Variants in ASCC2 observed in about 807,000 individuals in gnomAD.
The protein encoded by ASCC2 is ASC-1 complex subunit P100.
Under a neutral mutation model 93.5 loss-of-function variants are expected in ASCC2, and 42 were observed. The observed-to-expected ratio is 0.45, with a 90% confidence interval of 0.35 to 0.58. The LOEUF is 0.58. Among genes scored for constraint, ASCC2 ranks in the 20% least tolerant of loss-of-function variants. ASCC2 has a pLI of 0.00. For synonymous variants in ASCC2, 364 were observed against 384.2 expected (o/e 0.95, Z 0.62); for missense variants, 859 against 977.6 (o/e 0.88, Z 1.62).
chr22:29,807,019 A>T, intron 9 of ASCC2, 115 bp from the exon 10 acceptor site: 1 of 735,550 alleles, frequency 1.4e-6, no homozygotes, highest in Non-Finnish European at 2.2e-6. Context: ...TGGGAGGATC[A>T]CTTGAGCCCC....
intron 5 of ASCC2, chr22:29,822,104 C>T (rs2061638424): frequency 1.9e-6 from 1 of 527,734 alleles, no homozygotes; most frequent in Non-Finnish European, 3.3e-6. Flanking sequence ...AAAAAATTTC[C>T]AGATCCCTGG....
Position 29,804,662 on chromosome 22 carries a change from A to G in ASCC2, c.1329T>C (p.His443=). ...TAEAVSQASS[H]PENSEEEECM... ...CCTCCTCTTCCTCCGAGTTCTCCGG[A>G]TGTGATGATGCTTGACTGACTGCCT... The change falls in exon 13 of 20, where the codon CAT becomes CAC. Residue 443 remains histidine, a synonymous_variant. Transcript: ENST00000307790. 1.2e-6 allele frequency: 2 copies of G among 1,613,988 alleles called. No individual in the cohort carries two copies. The highest frequency in any genetic ancestry group is 1.7e-6 in the Non-Finnish European group (2 of 1,179,982).
chr22:29,832,404 C>A, intron 1 of ASCC2, 62 bp from the exon 2 acceptor site: 1 of 1,308,062 alleles, frequency 7.6e-7, no homozygotes, highest in Non-Finnish European at 1.1e-6. Context: ...GCAGGGCCTG[C>A]TCTGGGGCTG....
At chr22:29,792,766 G>A (rs980147688) in intron 17 of ASCC2, among the ~76,000 whole-genome samples, 5 of 152,206 alleles carry the variant, frequency 3.3e-5, no homozygotes, top group African/African-American at 1.2e-4. Flanking sequence ...AGAGTCTCCA[G>A]TCCTCTCTTC....
chr22:29,793,820 C>A, intron 15 of ASCC2, 144 bp from the exon 16 acceptor site: 1 of 576,494 alleles, frequency 1.7e-6, no homozygotes. Context: ...TTGGTGAGGG[C>A]GTGGGAGGGT....
chr22:29,818,743 T>C (rs1569411339), intron 5 of ASCC2, among the ~76,000 whole-genome samples: 1 of 151,930 alleles, frequency 6.6e-6, no homozygotes. Flanking sequence ...CACCACGCAG[T>C]CCCCTCTGGA....
At position 29,790,546 on chromosome 22, in the gene ASCC2, G is replaced by A. The variant is rs770209491; in HGVS notation, c.2025C>T (p.Pro675=). 35 of 1,613,920 alleles carry A rather than the reference G, an allele frequency of 2.2e-5. No homozygotes were observed. The highest frequency in any genetic ancestry group is 3.3e-5 in the South Asian group (3 of 91,090). ...EDDADEEAPK[P]DHFVQDPAVL... ...CTGCAGGGTCCTGAACAAAATGGTCGGGCTGTGGAAAGGAGAGGAGACCAA... is the reference window on the plus strand; with the variant it reads ...CTGCAGGGTCCTGAACAAAATGGTCAGGCTGTGGAAAGGAGAGGAGACCAA... Residue 675 remains proline, a splice_region_variant and synonymous_variant, in exon 19 of 20, where the codon CCC becomes CCT. Transcript: ENST00000307790.
At chr22:29,794,352 C>T (rs2058153988) in intron 15 of ASCC2, among the ~76,000 whole-genome samples, 1 of 151,940 alleles carries the variant, frequency 6.6e-6, no homozygotes, top group Non-Finnish European at 1.5e-5. Context: ...ATTAGCCGGG[C>T]ATAGTGGCGG....
Position 29,804,812 on chromosome 22 carries a change from G to C in ASCC2, c.1179C>G (p.Ala393=), listed in dbSNP as rs117333854. 9,972 of 1,614,110 alleles carry C rather than the reference G, an allele frequency of 6.2e-3. 90 individuals carry two copies. The highest frequency in any genetic ancestry group is 0.029 in the South Asian group (2,644 of 91,082). The change falls in exon 13 of 20, where the codon GCC becomes GCG. Residue 393 remains alanine, a synonymous_variant. Coordinates refer to ENST00000307790, the MANE Select transcript of ASCC2 (RefSeq NM_032204.5). ...ASSVLDETRT[A]YILQAVESAW... ...CACTCTCGACTGCCTGGAGGATGTAGGCAGTCCGCGTCTCGTCCCTGTGAG... is the reference window on the plus strand; with the variant it reads ...CACTCTCGACTGCCTGGAGGATGTACGCAGTCCGCGTCTCGTCCCTGTGAG...
chr22:29,807,287 A>G (rs1204093197), intron 9 of ASCC2, among the ~76,000 whole-genome samples: 2 of 151,806 alleles, frequency 1.3e-5, no homozygotes, highest in African/African-American at 4.8e-5. Flanking sequence ...AAAGAAAAAA[A>G]GGCACAAAGG....
chr22:29,822,252 G>A (rs1349400589), intron 5 of ASCC2, 83 bp downstream of exon 5: 4 of 1,577,750 alleles, frequency 2.5e-6, no homozygotes, highest in African/African-American at 2.7e-5. Flanking sequence ...CCTGGGCACT[G>A]TCAAAGCGCT....
chr22:29,821,156 C>A (rs1482209244), intron 5 of ASCC2, among the ~76,000 whole-genome samples: 1 of 151,956 alleles, frequency 6.6e-6, no homozygotes, highest in Admixed American at 6.6e-5. Flanking sequence ...CTCTTTTTTT[C>A]TTATTTTTTT....
chr22:29,827,595 A>G (rs112670477), intron 2 of ASCC2: 14,425 of 470,824 alleles, frequency 0.031, 402 homozygotes, highest in South Asian at 0.078. Flanking sequence ...AGTTACAGGT[A>G]CAAATCTGTT....
In ASCC2 at chr22:29,826,275, T is replaced by TA. The variant is rs796350803; in HGVS notation, c.82-496dup. On this transcript the variant is annotated intron_variant, in intron 2 of 19. Coordinates refer to ENST00000307790, the MANE Select transcript of ASCC2 (RefSeq NM_032204.5). ...TTGTGGCTTGAATAGACTTTCCCAT[T>TA]AAAAAAAAAAAAAGAACATATATTC... 700 of 141,932 alleles carry TA rather than the reference T, an allele frequency of 4.9e-3. 5 individuals carry two copies. Among genetic ancestry groups the TA allele is most frequent in the East Asian group, 0.04 (201 of 5,002 alleles). The allele number at this position is 141,932 out of a possible 1,614,324, so 8.8% of individuals were successfully genotyped here. A position where few individuals can be genotyped will look rare whatever the true frequency, so the allele number is the denominator to read the frequency against.
intron 2 of ASCC2, among the ~76,000 whole-genome samples, chr22:29,828,795 G>A (rs2062765118): frequency 1.3e-5 from 2 of 152,234 alleles, no homozygotes; most frequent in Non-Finnish European, 2.9e-5. Context: ...ACTTTCAGGG[G>A]TGGTAGAAAT....
intron 5 of ASCC2, 75 bp downstream of exon 5, chr22:29,822,260 G>A (rs763954943): frequency 7.1e-5 from 113 of 1,589,116 alleles, no homozygotes; most frequent in Non-Finnish European, 9.4e-5. Context: ...CTGTCAAAGC[G>A]CTGGCCTTTG....
At chr22:29,796,610 T>A (rs536481876) in intron 15 of ASCC2, among the ~76,000 whole-genome samples, 1 of 152,194 alleles carries the variant, frequency 6.6e-6, no homozygotes, top group African/African-American at 2.4e-5. Flanking sequence ...AAATCTCAGT[T>A]CAAAGAAATC....
chr22:29,790,470 CT>C lies in ASCC2; in HGVS notation c.2100del (p.Tyr702ThrfsTer53). On this transcript the variant is annotated frameshift_variant and splice_region_variant, in exon 19 of 20. Transcript: ENST00000307790. LOFTEE classifies it high-confidence loss of function. ...AGAAGCAGCCCCTTGAATGCTCACC[CT>C]TTCTTGGCGAGAAAGGCCATGCGCC... ...EARRMAFLAKKGYRHDSSTAV... is the reference protein window; with the variant it reads ...EARRMAFLAKXGYRHDSSTAV... 3 of 1,614,122 alleles carry C rather than the reference CT, an allele frequency of 1.9e-6. No individual in the cohort carries two copies. Among genetic ancestry groups the C allele is most frequent in the Non-Finnish European group, 2.5e-6 (3 of 1,180,012 alleles).
At chr22:29,809,107 G>C (rs1391032920) in intron 8 of ASCC2, among the ~76,000 whole-genome samples, 1 of 138,196 alleles carries the variant, frequency 7.2e-6, no homozygotes, top group Non-Finnish European at 1.6e-5. Flanking sequence ...GGGCAACAGA[G>C]TGAGACTCTG....
Sources: allele counts gnomAD v4.1 joint callset (sites outside exome capture counted in the v4.1 genomes callset), GRCh38; gene constraint gnomAD v4.1.1; transcripts MANE v1.5; gene names NCBI Gene and HGNC (gene_info 2026-07-23, HGNC 2026-07-21).